Variants in PCDHAC1 observed in about 807,000 individuals in gnomAD.
The protein encoded by PCDHAC1 is protocadherin alpha-C1.
In PCDHAC1, 42 loss-of-function variants were observed where a neutral mutation model predicts 60.0. That is an observed-to-expected ratio of 0.70 (90% CI 0.55 to 0.90). PCDHAC1 has a LOEUF of 0.90. PCDHAC1 is among the 40% of genes least tolerant of loss of function. The pLI, the probability that PCDHAC1 is intolerant of heterozygous loss-of-function variation, is 0.00. For missense variants in PCDHAC1, 1,160 were observed against 1,222.3 expected (o/e 0.95, Z 0.76); for synonymous variants, 468 against 499.3 (o/e 0.94, Z 0.84).
At chr5:140,941,019 C>T (rs569905763) in intron 1 of PCDHAC1, among the ~76,000 whole-genome samples, 4 of 152,142 alleles carry the variant, frequency 2.6e-5, no homozygotes, top group East Asian at 1.9e-4. Context: ...TCCTATTTTC[C>T]TTCTGGCCTT....
At chr5:140,967,519 C>T (rs147791062) in intron 1 of PCDHAC1, 1 of 1,612,804 alleles carries the variant, frequency 6.2e-7, no homozygotes, top group Non-Finnish European at 8.5e-7. Flanking sequence ...TGGACACTAA[C>T]GACAACTCTC....
chr5:140,934,705 C>T (rs1235956763), intron 1 of PCDHAC1, among the ~76,000 whole-genome samples: 8 of 152,132 alleles, frequency 5.3e-5, no homozygotes, highest in African/African-American at 1.9e-4. Flanking sequence ...TCCTGGCCAT[C>T]TTACAAAAAG....
chr5:140,951,365 A>G (rs987513388), intron 1 of PCDHAC1, among the ~76,000 whole-genome samples: 17 of 152,160 alleles, frequency 1.1e-4, no homozygotes, highest in African/African-American at 4.1e-4. Context: ...ACTGTTATAA[A>G]GAAACACCCA....
In PCDHAC1 at chr5:140,982,563, G is replaced by C; in HGVS notation, c.2581G>C (p.Glu861Gln). 3 of 1,614,072 alleles carry C rather than the reference G, an allele frequency of 1.9e-6. No homozygotes were observed. The highest frequency in any genetic ancestry group is 2.5e-6 in the Non-Finnish European group (3 of 1,179,960). The change falls in exon 3 of 4, where the codon GAA (glutamate) becomes CAA (glutamine). Residue 861 changes from glutamate (E) to glutamine (Q), a missense_variant and splice_region_variant. By Grantham distance (29) the Glu-to-Gln change is conservative (BLOSUM62 2). Transcript: ENST00000253807. Reference protein sequence around the residue: ...QWPTVSSATPEPEAGEVSPPV... With the variant: ...QWPTVSSATPQPEAGEVSPPV... Reference sequence around the variant, plus strand: ...GCCAACAGTATCCAGTGCAACACCAGGTAAAGAGCTGGGGTCTCTCCATTC... The same window carrying C: ...GCCAACAGTATCCAGTGCAACACCACGTAAAGAGCTGGGGTCTCTCCATTC...
chr5:140,997,606 A>G (rs1554255929), intron 3 of PCDHAC1, among the ~76,000 whole-genome samples: 1 of 152,090 alleles, frequency 6.6e-6, no homozygotes, highest in Non-Finnish European at 1.5e-5. Context: ...TATGGGGCGC[A>G]TGACTATATA....
chr5:140,965,305 A>G (rs2095888625), intron 1 of PCDHAC1, among the ~76,000 whole-genome samples: 2 of 152,136 alleles, frequency 1.3e-5, no homozygotes, highest in African/African-American at 4.8e-5. Context: ...TGATCCTTCT[A>G]CCTTCTCTTT....
rs1554231011 is a variant in PCDHAC1 at position 140,968,738 on chromosome 5, C to G, written c.2434-10211C>G. 10 of 1,614,040 alleles carry G rather than the reference C, an allele frequency of 6.2e-6. No individual in the cohort carries two copies. The Admixed American group carries it at 6.7e-5, about 11-fold the overall frequency. On this transcript the variant is annotated intron_variant, in intron 1 of 3. Transcript: ENST00000253807. ...AGATGAGAGTGGTAGCACTTTCAAC[C>G]TGACCGTGGTGGTCCGAGATAATGG...
Position 140,928,452 on chromosome 5 carries a change from G to A in PCDHAC1, c.1560G>A (p.Gly520=), listed in dbSNP as rs1284379241. 6.2e-7 allele frequency: 1 copy of A among 1,614,008 alleles called. No individual in the cohort carries two copies. The highest frequency in any genetic ancestry group is 8.5e-7 in the Non-Finnish European group (1 of 1,180,020). The part of the protein sequence containing the change: ...KTSFDFEQLR[G]FHFQVEGRDG... ...CCTTTGACTTTGAGCAGCTCAGGGG[G>A]TTTCATTTCCAAGTAGAAGGCCGGG... Residue 520 remains glycine (G), a synonymous_variant, in exon 1 of 4, where the codon GGG becomes GGA. Coordinates refer to ENST00000253807, the MANE Select transcript of PCDHAC1 (RefSeq NM_018898.5).
intron 1 of PCDHAC1, among the ~76,000 whole-genome samples, chr5:140,945,632 A>G (rs1258111936): frequency 6.6e-6 from 1 of 152,168 alleles, no homozygotes; most frequent in African/African-American, 2.4e-5. Flanking sequence ...GGCATAAAAG[A>G]CATGTAGACC....
At chr5:141,005,153 C>G (rs1408163088) in intron 3 of PCDHAC1, among the ~76,000 whole-genome samples, 1 of 152,194 alleles carries the variant, frequency 6.6e-6, no homozygotes, top group East Asian at 1.9e-4. Flanking sequence ...GTTTGGTCTG[C>G]TAAAGAGTGG....
Position 140,927,191 on chromosome 5 carries a change from T to G in PCDHAC1, c.299T>G (p.Val100Gly). The part of the protein sequence containing the change: ...KAACVLTYDL[V>G]LEDPLELHKI... ...GCCTGCGTCTTGACCTACGACCTGGTGCTCGAGGACCCGCTGGAGCTGCAC... is the reference window on the plus strand; with the variant it reads ...GCCTGCGTCTTGACCTACGACCTGGGGCTCGAGGACCCGCTGGAGCTGCAC... Residue 100 changes from valine (V) to glycine (G), a missense_variant, in exon 1 of 4, where the codon GTG becomes GGG. This residue lies in a region of PCDHAC1 where 1,113 missense variants were observed against 1,163.7 expected (regional missense o/e 0.96). Transcript: ENST00000253807. 6.2e-7 allele frequency: 1 copy of G among 1,614,144 alleles called. No individual in the cohort carries two copies.
intron 1 of PCDHAC1, among the ~76,000 whole-genome samples, chr5:140,972,821 G>A (rs372160406): frequency 3.3e-5 from 5 of 152,010 alleles, no homozygotes; most frequent in East Asian, 3.9e-4. Flanking sequence ...GCGCCACCAC[G>A]CCTGGCTAAT....
At chr5:140,941,255 C>CTTTT (rs782490896) in intron 1 of PCDHAC1, among the ~76,000 whole-genome samples, 1 of 44,504 alleles carries the variant, frequency 2.2e-5, no homozygotes, top group Non-Finnish European at 5.1e-5. Flanking sequence ...TTCTTTCTTT[C>CTTTT]TCTTTCTTTC....
chr5:140,966,984 G>C lies in PCDHAC1; in HGVS notation c.2434-11965G>C, dbSNP rs1217682338. ...CTGGGGCTTGAGCTGCGGCGCTTGGGGCCGGGTTGCTTGCGCATCAACCAT... is the reference window on the plus strand; with the variant it reads ...CTGGGGCTTGAGCTGCGGCGCTTGGCGCCGGGTTGCTTGCGCATCAACCAT... On this transcript the variant is annotated intron_variant, in intron 1 of 3. Transcript: ENST00000253807. 21 of 1,603,802 alleles carry C rather than the reference G, an allele frequency of 1.3e-5. No homozygotes were observed. The East Asian group carries it at 4.5e-4, about 34-fold the overall frequency.
At chr5:140,958,905 A>G (rs1295198062) in intron 1 of PCDHAC1, among the ~76,000 whole-genome samples, 1 of 149,390 alleles carries the variant, frequency 6.7e-6, no homozygotes, top group Non-Finnish European at 1.5e-5. Flanking sequence ...AGATACAGAA[A>G]AGTCTGCCTG....
chr5:140,956,701 G>T (rs549659732), intron 1 of PCDHAC1, among the ~76,000 whole-genome samples: 1 of 152,138 alleles, frequency 6.6e-6, no homozygotes, highest in Non-Finnish European at 1.5e-5. Context: ...CCATTGTTTG[G>T]AATAGCTTCA....
intron 1 of PCDHAC1, among the ~76,000 whole-genome samples, chr5:140,947,840 T>C (rs1554218335): frequency 6.6e-6 from 1 of 151,630 alleles, no homozygotes; most frequent in Non-Finnish European, 1.5e-5. Context: ...TAATATTTGT[T>C]TATTTATTTT....
chr5:140,926,472 T>G lies in PCDHAC1; in HGVS notation c.-421T>G. On this transcript the variant is annotated 5_prime_UTR_variant, in exon 1 of 4. Coordinates refer to ENST00000253807, the MANE Select transcript of PCDHAC1 (RefSeq NM_018898.5). ...AGGGCGTTGTCCTAGAAAACACCGTTTAAGGAGAGAAGTGTTAGTGTCTCG... is the reference window on the plus strand; with the variant it reads ...AGGGCGTTGTCCTAGAAAACACCGTGTAAGGAGAGAAGTGTTAGTGTCTCG... 6.1e-6 allele frequency: 1 copy of G among 163,134 alleles called. No homozygotes were observed. Among genetic ancestry groups the G allele is most frequent in the East Asian group, 1.8e-4 (1 of 5,520 alleles). The allele number at this position is 163,134 out of a possible 1,614,324, so 10.1% of individuals were successfully genotyped here.
intron 1 of PCDHAC1, chr5:140,968,744 G>T: frequency 6.2e-7 from 1 of 1,614,164 alleles, no homozygotes; most frequent in Non-Finnish European, 8.5e-7. Context: ...CAACCTGACC[G>T]TGGTGGTCCG....
Sources: allele counts gnomAD v4.1 joint callset (sites outside exome capture counted in the v4.1 genomes callset), GRCh38; gene constraint gnomAD v4.1.1; regional missense constraint gnomAD v4.1.1; transcripts MANE v1.5; gene names NCBI Gene and HGNC (gene_info 2026-07-23, HGNC 2026-07-21).